Variants in AFG2A observed in about 807,000 individuals in gnomAD.
AFG2A encodes AAA ATPase AFG2A, also known as ATPase family gene 2 protein homolog A.
chr4:123,314,816 C>G, the AFG2A span: 1 of 148,514 alleles, frequency 6.7e-6, no homozygotes, highest in Non-Finnish European at 1.5e-5. Flanking sequence ...AGTGCAGTGG[C>G]ACGATCTTGG....
At chr4:123,257,234 C>CATAGAT in the AFG2A span, among the ~76,000 whole-genome samples, 2 of 152,020 alleles carry the variant, frequency 1.3e-5, no homozygotes, top group Admixed American at 6.5e-5. Context: ...CCCCAAGAAC[C>CATAGAT]ATAGATATAG....
At chr4:123,240,349 A>T in the AFG2A span, among the ~76,000 whole-genome samples, 1 of 152,206 alleles carries the variant, frequency 6.6e-6, no homozygotes, top group Non-Finnish European at 1.5e-5. Flanking sequence ...ACCACGTCGC[A>T]ATTACTCTAA....
chr4:123,162,472 A>G, the AFG2A span, among the ~76,000 whole-genome samples: 3 of 152,196 alleles, frequency 2.0e-5, no homozygotes, highest in African/African-American at 4.8e-5. Context: ...TGTACACTAC[A>G]TTTATTTTAT....
chr4:123,056,792 G>A, the AFG2A span, among the ~76,000 whole-genome samples: 6 of 152,102 alleles, frequency 3.9e-5, no homozygotes, highest in East Asian at 1.2e-3. Flanking sequence ...CAAATGCTTT[G>A]TGTTCTTTTT....
the AFG2A span, among the ~76,000 whole-genome samples, chr4:123,289,351 A>AT: frequency 4.0e-5 from 6 of 151,888 alleles, no homozygotes; most frequent in Non-Finnish European, 7.4e-5. Flanking sequence ...TTACTTTGTT[A>AT]TTTTTTCTGG....
At chr4:122,934,734 TTATGG>T in the AFG2A span, 3 of 1,564,692 alleles carry the variant, frequency 1.9e-6, no homozygotes, top group Non-Finnish European at 2.6e-6. Flanking sequence ...TTTTCAAGAG[TTATGG>T]TATGATGTCT....
chr4:123,051,640 CTT>C, the AFG2A span, among the ~76,000 whole-genome samples: 3 of 96,074 alleles, frequency 3.1e-5, no homozygotes, highest in Non-Finnish European at 5.7e-5. Context: ...ATTTCCTCAG[CTT>C]TTTTTTTTTT....
chr4:123,197,724 C>T, the AFG2A span, among the ~76,000 whole-genome samples: 1,135 of 151,482 alleles, frequency 7.5e-3, 11 homozygotes, highest in African/African-American at 0.025. Flanking sequence ...GCTTAGATCA[C>T]GCCATTGCAC....
chr4:122,932,294 T>G, the AFG2A span, among the ~76,000 whole-genome samples: 1 of 151,408 alleles, frequency 6.6e-6, no homozygotes, highest in East Asian at 1.9e-4. Flanking sequence ...AAAAAGTGAT[T>G]GGAGAACAAG....
At chr4:123,261,001 A>G in the AFG2A span, among the ~76,000 whole-genome samples, 1 of 152,168 alleles carries the variant, frequency 6.6e-6, no homozygotes, top group South Asian at 2.1e-4. Context: ...CACGAACCCT[A>G]TTGTGAACTA....
chr4:123,138,747 G>T, the AFG2A span, among the ~76,000 whole-genome samples: 1 of 151,736 alleles, frequency 6.6e-6, no homozygotes, highest in African/African-American at 2.4e-5. Context: ...GTAATATTTG[G>T]TATTTATAGG....
the AFG2A span, among the ~76,000 whole-genome samples, chr4:123,142,128 G>C: frequency 6.6e-6 from 1 of 152,164 alleles, no homozygotes; most frequent in African/African-American, 2.4e-5. Flanking sequence ...GAGGTTGGCT[G>C]TTTGGCATTA....
the AFG2A span, among the ~76,000 whole-genome samples, chr4:122,942,846 G>A: frequency 7.3e-5 from 11 of 150,494 alleles, no homozygotes; most frequent in South Asian, 2.2e-4. Flanking sequence ...CTTTGTTCTC[G>A]TTGGTTTCAA....
chr4:123,028,272 T>C, the AFG2A span: 8 of 1,614,066 alleles, frequency 5.0e-6, no homozygotes, highest in Non-Finnish European at 6.8e-6. Flanking sequence ...ATCCAGAGTC[T>C]TTCATTCGAA....
the AFG2A span, among the ~76,000 whole-genome samples, chr4:122,961,363 T>C: frequency 6.6e-6 from 1 of 152,246 alleles, no homozygotes; most frequent in African/African-American, 2.4e-5. Flanking sequence ...ATTATCCTAG[T>C]ATAAAAGATA....
At chr4:123,027,733 A>G in the AFG2A span, among the ~76,000 whole-genome samples, 2 of 152,350 alleles carry the variant, frequency 1.3e-5, no homozygotes, top group South Asian at 2.1e-4. Context: ...GGGATACTTT[A>G]TATGCTAAAG....
At chr4:123,119,262 T>G in the AFG2A span, among the ~76,000 whole-genome samples, 1 of 152,186 alleles carries the variant, frequency 6.6e-6, no homozygotes, top group African/African-American at 2.4e-5. Flanking sequence ...TATTACAGTG[T>G]CTCAACGTAT....
chr4:122,964,361 G>A, the AFG2A span, among the ~76,000 whole-genome samples: 7 of 151,852 alleles, frequency 4.6e-5, no homozygotes, highest in Non-Finnish European at 8.8e-5. Context: ...AAAATTAGCC[G>A]GGTGTGGTGG....
At chr4:122,933,476 G>C in the AFG2A span, 2 of 1,611,956 alleles carry the variant, frequency 1.2e-6, no homozygotes, top group South Asian at 2.2e-5. Flanking sequence ...AGAACTGACT[G>C]GTTGTATCCT....
Sources: gnomAD v4.1 joint callset for allele counts (sites outside exome capture counted in the v4.1 genomes callset) on GRCh38, gnomAD v4.1.1 for gene constraint, MANE v1.5 for transcripts, NCBI Gene and HGNC (gene_info 2026-07-23, HGNC 2026-07-21) for gene names.